MARCHF1: variants seen among roughly 807,000 people sequenced by gnomAD.
MARCHF1 encodes the protein membrane associated ring-CH-type finger 1, also known as E3 ubiquitin-protein ligase MARCHF1.
In MARCHF1, 40 loss-of-function variants were observed where a neutral mutation model predicts 54.2. The observed-to-expected ratio is 0.74, with a 90% CI of 0.57 to 0.96. The LOEUF is 0.96. MARCHF1 is among the 40% of genes least tolerant of loss of function. MARCHF1 has a pLI of 0.00. For missense variants in MARCHF1, 586 were observed against 656.5 expected (o/e 0.89, Z 1.17); for synonymous variants, 236 against 236.3 (o/e 1.00, Z 0.01).
Position 164,074,939 on chromosome 4 carries a change from A to C in MARCHF1, c.-248+36649T>G, listed in dbSNP as rs1308486453. On this transcript the variant is annotated intron_variant, in intron 2 of 9. Transcript: ENST00000514618. ...TTCTTATAAAATATAATTTCTTATA[A>C]AAATGCCACCCTGGACTGTATTTAT... 2.0e-5 allele frequency among the ~76,000 whole-genome samples: 3 copies of C among 151,734 alleles called. No individual in the cohort carries two copies. In the East Asian group the frequency reaches 5.8e-4, roughly 29 times the overall value.
rs1479866059 is a variant in MARCHF1 at position 163,714,837 on chromosome 4, C to T, written c.112-13974G>A. 2.0e-5 allele frequency among the ~76,000 whole-genome samples: 3 copies of T among 152,062 alleles called. No homozygotes were observed. In the East Asian group the frequency reaches 5.8e-4, roughly 29 times the overall value. The stretch of plus-strand genomic sequence containing the variant: ...GGCACATGTCACTTTGCCTGGCTAA[C>T]TTTTTTAAAAAACTTTTTATTTTTT... On this transcript the variant is annotated intron_variant, in intron 4 of 9. Transcript: ENST00000514618.
chr4:164,122,738 T>C (rs2110781394), intron 1 of MARCHF1, among the ~76,000 whole-genome samples: 1 of 152,076 alleles, frequency 6.6e-6, no homozygotes, highest in Admixed American at 6.6e-5. Flanking sequence ...TGTTTTCGTG[T>C]CCTAAATTTT....
intron 1 of MARCHF1, among the ~76,000 whole-genome samples, chr4:164,215,600 GC>G (rs950884216): frequency 6.6e-6 from 1 of 152,148 alleles, no homozygotes; most frequent in African/African-American, 2.4e-5. Flanking sequence ...AAGGGACCAT[GC>G]CCTTCCCTTC....
intron 1 of MARCHF1, among the ~76,000 whole-genome samples, chr4:164,259,920 C>T (rs1317374083): frequency 6.6e-6 from 1 of 152,140 alleles, no homozygotes; most frequent in Non-Finnish European, 1.5e-5. Context: ...AAATTCTGGT[C>T]TAAAGTGGTT....
intron 2 of MARCHF1, among the ~76,000 whole-genome samples, chr4:164,066,153 C>G (rs942530845): frequency 1.3e-5 from 2 of 148,812 alleles, no homozygotes; most frequent in African/African-American, 5.0e-5. Context: ...TATCCAGCAT[C>G]TATAAGCAAC....
intron 9 of MARCHF1, among the ~76,000 whole-genome samples, chr4:163,535,301 C>G (rs1738491631): frequency 6.6e-6 from 1 of 151,922 alleles, no homozygotes; most frequent in Non-Finnish European, 1.5e-5. Flanking sequence ...CTTGATTTTT[C>G]TGGTGTTCCA....
intron 2 of MARCHF1, among the ~76,000 whole-genome samples, chr4:163,994,246 G>A (rs1263061725): frequency 1.4e-5 from 2 of 145,490 alleles, no homozygotes; most frequent in African/African-American, 5.1e-5. Context: ...GCTGAAGAAT[G>A]ATAGAGAAAA....
rs867243924 is a variant in MARCHF1 at position 164,075,908 on chromosome 4, T to C, written c.-248+35680A>G. Among the ~76,000 whole-genome samples the C allele has an allele frequency of 1.2e-4, 18 of 152,218 alleles. 1 individual carries two copies. The highest frequency in any genetic ancestry group is 3.4e-3 in the Middle Eastern group (1 of 294). ...AGCCTATAAGAAAAAGTTACTTAAGTGATAAGCAGCACAGATACAGCCACT... is the reference window on the plus strand; with the variant it reads ...AGCCTATAAGAAAAAGTTACTTAAGCGATAAGCAGCACAGATACAGCCACT... On this transcript the variant is annotated intron_variant, in intron 2 of 9. Transcript: ENST00000514618.
intron 4 of MARCHF1, among the ~76,000 whole-genome samples, chr4:163,767,369 C>G (rs989485540): frequency 1.3e-5 from 2 of 150,504 alleles, no homozygotes; most frequent in Non-Finnish European, 3.0e-5. Flanking sequence ...GAGTCTCGCT[C>G]GTCGCCCAGG....
intron 9 of MARCHF1, among the ~76,000 whole-genome samples, chr4:163,532,041 C>G (rs1263130280): frequency 6.6e-6 from 1 of 151,798 alleles, no homozygotes; most frequent in Non-Finnish European, 1.5e-5. Context: ...TCTACAGATT[C>G]AATACTATCC....
chr4:163,803,162 A>ATAT (rs950348130), intron 4 of MARCHF1, among the ~76,000 whole-genome samples: 6 of 152,044 alleles, frequency 3.9e-5, no homozygotes, highest in Admixed American at 1.3e-4. Context: ...AATGTAAAAC[A>ATAT]TATTATTATT....
intron 3 of MARCHF1, among the ~76,000 whole-genome samples, chr4:163,965,726 A>G (rs1269754813): frequency 6.6e-6 from 1 of 152,094 alleles, no homozygotes; most frequent in Non-Finnish European, 1.5e-5. Context: ...AACCAAGTTG[A>G]TCTATGTCAA....
chr4:164,216,055 T>A (rs1451565703), intron 1 of MARCHF1, among the ~76,000 whole-genome samples: 1 of 152,220 alleles, frequency 6.6e-6, no homozygotes, highest in East Asian at 1.9e-4. Flanking sequence ...TCAGTTTTGC[T>A]TAGAGTCAGA....
intron 4 of MARCHF1, among the ~76,000 whole-genome samples, chr4:163,796,797 T>C (rs1260939638): frequency 6.6e-6 from 1 of 152,156 alleles, no homozygotes; most frequent in South Asian, 2.1e-4. Context: ...GCTTTTAACC[T>C]GCATACTTAA....
intron 5 of MARCHF1, among the ~76,000 whole-genome samples, chr4:163,624,503 G>A (rs1052109972): frequency 3.3e-5 from 5 of 152,082 alleles, no homozygotes; most frequent in African/African-American, 1.2e-4. Flanking sequence ...TAGAAAACAC[G>A]TCCCAAATAA....
intron 3 of MARCHF1, among the ~76,000 whole-genome samples, chr4:163,875,506 T>C (rs1257537517): frequency 2.0e-5 from 3 of 151,316 alleles, no homozygotes; most frequent in Admixed American, 2.0e-4. Context: ...CACAACATGC[T>C]ATGAGAACAA....
At chr4:163,812,785 AC>A (rs977226970) in intron 4 of MARCHF1, among the ~76,000 whole-genome samples, 2 of 152,038 alleles carry the variant, frequency 1.3e-5, no homozygotes, top group African/African-American at 2.4e-5. Flanking sequence ...CAAAAAACAA[AC>A]CAAAAAACCT....
intron 4 of MARCHF1, among the ~76,000 whole-genome samples, chr4:163,739,745 A>G (rs1746144204): frequency 6.6e-6 from 1 of 152,196 alleles, no homozygotes; most frequent in Non-Finnish European, 1.5e-5. Context: ...TTATGTGCTA[A>G]TTTTCAGAAA....
chr4:163,533,672 T>TCA (rs1353596290), intron 9 of MARCHF1, among the ~76,000 whole-genome samples: 2 of 114,328 alleles, frequency 1.7e-5, no homozygotes. Flanking sequence ...AAATAGTCTT[T>TCA]TATATATAAT....
Sources: gnomAD v4.1 joint callset for allele counts (sites outside exome capture counted in the v4.1 genomes callset) on GRCh38, gnomAD v4.1.1 for gene constraint, MANE v1.5 for transcripts, NCBI Gene and HGNC (gene_info 2026-07-23, HGNC 2026-07-21) for gene names.